Variants in SMU1 observed in about 807,000 individuals in gnomAD.
SMU1 encodes the protein SMU1 DNA replication regulator and spliceosomal factor.
Under a neutral mutation model 62.0 loss-of-function variants are expected in SMU1, and 2 were observed. The ratio of observed to expected loss-of-function variants is 0.03; its 90% CI spans 0.01 to 0.10. SMU1 has a LOEUF of 0.10. SMU1 is among the 10% of genes least tolerant of loss of function. The probability of loss-of-function intolerance (pLI) is 1.00; values close to 1 mark genes in which losing one functional copy is unlikely to be tolerated. For synonymous variants in SMU1, 188 were observed against 212.4 expected (o/e 0.89, Z 1.00); for missense variants, 227 against 622.1 (o/e 0.36, Z 6.76).
intron 5 of SMU1, 77 bp downstream of exon 5, chr9:33,061,972 T>TG (rs2119438014): frequency 1.3e-6 from 2 of 1,500,578 alleles, no homozygotes; most frequent in Non-Finnish European, 1.8e-6. Context: ...TCCAAGCCCC[T>TG]GGCACAGGGC....
chr9:33,076,520 C>T (rs574045413), intron 1 of SMU1, 63 bp downstream of exon 1: 1 of 1,599,520 alleles, frequency 6.3e-7, no homozygotes, highest in South Asian at 1.1e-5. Flanking sequence ...GAGTACCCTC[C>T]GCCCCACACC....
In SMU1 at chr9:33,060,037, G is replaced by A. The variant is rs556325456; in HGVS notation, c.750+428C>T. Among the ~76,000 whole-genome samples, 137 of 151,820 alleles carry A rather than the reference G, an allele frequency of 9.0e-4. 1 individual carries two copies. The highest frequency in any genetic ancestry group is 7.5e-3 in the South Asian group (36 of 4,788). Reference sequence around the variant, plus strand: ...ACCGTTTTTTGCTTTTTGTTTTTGAGACAGTGTTGCTGCCCAGGCTAGAAT... The same window carrying A: ...ACCGTTTTTTGCTTTTTGTTTTTGAAACAGTGTTGCTGCCCAGGCTAGAAT... On this transcript the variant is annotated intron_variant, in intron 6 of 11. Coordinates refer to ENST00000397149, the MANE Select transcript of SMU1 (RefSeq NM_018225.3).
intron 4 of SMU1, among the ~76,000 whole-genome samples, chr9:33,064,806 G>A (rs1055336653): frequency 2.6e-5 from 4 of 151,298 alleles, no homozygotes; most frequent in South Asian, 2.1e-4. Context: ...GCAGTGGCGC[G>A]ATCTTGGCTC....
At chr9:33,058,159 A>C (rs771734071) in intron 6 of SMU1, among the ~76,000 whole-genome samples, 1 of 152,180 alleles carries the variant, frequency 6.6e-6, no homozygotes, top group Non-Finnish European at 1.5e-5. Context: ...GTTCAAACAG[A>C]TTACTTTTCT....
chr9:33,064,715 A>G (rs1839400326), intron 4 of SMU1, among the ~76,000 whole-genome samples: 1 of 151,578 alleles, frequency 6.6e-6, no homozygotes, highest in African/African-American at 2.4e-5. Flanking sequence ...CTTCCTTTCC[A>G]AAGTTTCTTT....
In SMU1 at chr9:33,047,132, G is replaced by A. The variant is rs1587705049; in HGVS notation, c.*161C>T. The stretch of plus-strand genomic sequence containing the variant: ...CTTAAAAATATATAAAAAAAGAAAG[G>A]GTAGTTGCTACTTAAACATGAATTT... On this transcript the variant is annotated 3_prime_UTR_variant, in exon 12 of 12. Transcript: ENST00000397149. The A allele has an allele frequency of 5.5e-6, 3 of 549,366 alleles. No homozygotes were observed. The highest frequency in any genetic ancestry group is 4.8e-4 in the Middle Eastern group (1 of 2,080). The allele number at this position is 549,366 out of a possible 1,614,324, so 34.0% of individuals were successfully genotyped here. A position where few individuals can be genotyped will look rare whatever the true frequency, so the allele number is the denominator to read the frequency against.
At chr9:33,065,232 C>T (rs1050308389) in intron 4 of SMU1, among the ~76,000 whole-genome samples, 1 of 152,152 alleles carries the variant, frequency 6.6e-6, no homozygotes, top group Admixed American at 6.6e-5. Context: ...CATCTAAAAA[C>T]GGATCATTTC....
At chr9:33,052,225 T>C (rs1009207980) in intron 10 of SMU1, among the ~76,000 whole-genome samples, 1 of 144,708 alleles carries the variant, frequency 6.9e-6, no homozygotes, top group African/African-American at 2.5e-5. Flanking sequence ...GTTCTGATCA[T>C]TGTATTATCA....
At chr9:33,062,704 G>A (rs1839376647) in intron 4 of SMU1, among the ~76,000 whole-genome samples, 1 of 151,998 alleles carries the variant, frequency 6.6e-6, no homozygotes, top group Non-Finnish European at 1.5e-5. Flanking sequence ...CAATATATTA[G>A]TGGACATTTA....
intron 10 of SMU1, among the ~76,000 whole-genome samples, chr9:33,048,500 A>G (rs988103379): frequency 3.9e-5 from 6 of 152,230 alleles, no homozygotes; most frequent in African/African-American, 9.6e-5. Flanking sequence ...CACGTCACCA[A>G]TCATGCCCTA....
chr9:33,063,611 A>G (rs1839387573), intron 4 of SMU1, among the ~76,000 whole-genome samples: 1 of 152,132 alleles, frequency 6.6e-6, no homozygotes, highest in Non-Finnish European at 1.5e-5. Flanking sequence ...GCCAGGGAGC[A>G]AGAGCATTAC....
At chr9:33,051,955 T>C (rs1251221181) in intron 10 of SMU1, among the ~76,000 whole-genome samples, 1 of 146,730 alleles carries the variant, frequency 6.8e-6, no homozygotes, top group Non-Finnish European at 1.5e-5. Context: ...AGGCGGAGGT[T>C]ACAGTGAGCC....
At chr9:33,073,905 T>A in intron 1 of SMU1, 99 bp from the exon 2 acceptor site, 1 of 1,096,520 alleles carries the variant, frequency 9.1e-7, no homozygotes, top group Non-Finnish European at 1.3e-6. Flanking sequence ...CTTTCACTAC[T>A]ATTTCTTTAT....
chr9:33,060,714 G>C (rs959816668), intron 5 of SMU1, 130 bp from the exon 6 acceptor site: 11 of 1,164,394 alleles, frequency 9.4e-6, no homozygotes, highest in Non-Finnish European at 1.2e-5. Flanking sequence ...GAGTATTGGA[G>C]GGGTATTTCT....
chr9:33,053,344 A>G, intron 9 of SMU1, 54 bp from the exon 10 acceptor site: 1 of 1,517,054 alleles, frequency 6.6e-7, no homozygotes, highest in Non-Finnish European at 9.0e-7. Flanking sequence ...AAATTTCTAA[A>G]GTTTTAGGGT....
chr9:33,076,494 T>A, intron 1 of SMU1, 89 bp downstream of exon 1: 1 of 1,529,330 alleles, frequency 6.5e-7, no homozygotes, highest in Non-Finnish European at 9.0e-7. Context: ...CCCTGGCCTC[T>A]CGGATGCCTT....
chr9:33,068,803 C>T (rs909815149), intron 4 of SMU1, 21 bp downstream of exon 4: 1 of 1,612,684 alleles, frequency 6.2e-7, no homozygotes, highest in East Asian at 2.2e-5. Flanking sequence ...CCACACCTGG[C>T]CTCTACAGGA....
chr9:33,072,007 C>G, intron 2 of SMU1, 115 bp from the exon 3 acceptor site: 7 of 1,054,914 alleles, frequency 6.6e-6, no homozygotes, highest in Non-Finnish European at 9.0e-6. Context: ...TTTCCAATAC[C>G]AGGAAGTGCC....
In SMU1 at chr9:33,076,209, C is replaced by G. The variant is rs114186371; in HGVS notation, c.26+374G>C. On this transcript the variant is annotated intron_variant, in intron 1 of 11. Coordinates refer to ENST00000397149, the MANE Select transcript of SMU1 (RefSeq NM_018225.3). ...GAGACAACGAATCACATTGCATAAG[C>G]TGGACAGGGAGAGAAGCAAGGCTTA... Among the ~76,000 whole-genome samples the G allele has an allele frequency of 2.7e-3, 415 of 152,310 alleles. 3 individuals are homozygous for G. Among genetic ancestry groups the G allele is most frequent in the African/African-American group, 9.6e-3 (399 of 41,574 alleles).
Sources: gnomAD v4.1 joint callset for allele counts (sites outside exome capture counted in the v4.1 genomes callset) on GRCh38, gnomAD v4.1.1 for gene constraint, MANE v1.5 for transcripts, NCBI Gene and HGNC (gene_info 2026-07-23, HGNC 2026-07-21) for gene names.